MSN: variants seen among roughly 807,000 people sequenced by gnomAD.
The protein encoded by MSN is moesin.
MSN carries 2 observed loss-of-function variants against 48.0 expected under a neutral mutation model. That is an observed-to-expected ratio of 0.04 (90% CI 0.02 to 0.13). The LOEUF is 0.13. Ranked by LOEUF, MSN falls within the 10% of genes least tolerant of loss-of-function variation. MSN has a pLI of 1.00. For synonymous variants in MSN, 146 were observed against 166.9 expected (o/e 0.87, Z 0.97); for missense variants, 267 against 470.1 (o/e 0.57, Z 3.99).
At chrX:65,720,881 C>T (rs2071510125) in intron 2 of MSN, among the ~76,000 whole-genome samples, 1 of 112,042 alleles carries the variant, frequency 8.9e-6, no homozygotes, top group Non-Finnish European at 1.9e-5. Flanking sequence ...TAGTTTGTCT[C>T]ATTTACCTCT....
In MSN at chrX:65,608,178, G is replaced by C. The variant is rs759978195; in HGVS notation, c.-22+19566G>C. 9.0e-5 allele frequency among the ~76,000 whole-genome samples: 10 copies of C among 111,431 alleles called. No individual in the cohort carries two copies. In the East Asian group the frequency reaches 2.3e-3, roughly 25 times the overall value. Reference sequence around the variant, plus strand: ...GAAGGATTTACAATCTTTGGATATGGGCTGGGCAGAGCCTGTCAGTCGGTA... The same window carrying C: ...GAAGGATTTACAATCTTTGGATATGCGCTGGGCAGAGCCTGTCAGTCGGTA... On this transcript the variant is annotated intron_variant, in intron 1 of 3. Transcript: ENST00000609672.
intron 1 of MSN, among the ~76,000 whole-genome samples, chrX:65,697,591 A>G (rs1310490573): frequency 1.8e-5 from 2 of 111,892 alleles, no homozygotes; most frequent in African/African-American, 6.5e-5. Context: ...GGCCAAAGCC[A>G]CTGTAGGCAC....
chrX:65,675,119 CAGGTAGTTG>C (rs1392133005), intron 1 of MSN, among the ~76,000 whole-genome samples: 1 of 111,792 alleles, frequency 8.9e-6, no homozygotes, highest in East Asian at 2.8e-4. Flanking sequence ...AGAAAGAAGA[CAGGTAGTTG>C]AATTCTTACC....
intron 1 of MSN, chrX:65,625,604 G>A (rs1217862502): frequency 1.8e-5 from 2 of 111,292 alleles, no homozygotes; most frequent in African/African-American, 3.3e-5. Flanking sequence ...GTTACTATTT[G>A]CATGGAATGC....
At chrX:65,708,194 C>CAT (rs1318257493) in intron 1 of MSN, among the ~76,000 whole-genome samples, 1 of 110,986 alleles carries the variant, frequency 9.0e-6, no homozygotes, top group Non-Finnish European at 1.9e-5. Flanking sequence ...TAAATGCATA[C>CAT]ATAAATTGTA....
At chrX:65,646,956 A>G (rs947964654) in intron 1 of MSN, among the ~76,000 whole-genome samples, 2 of 110,996 alleles carry the variant, frequency 1.8e-5, no homozygotes, top group Non-Finnish European at 3.8e-5. Context: ...TCAAAACAAA[A>G]CAAAACAAAA....
chrX:65,589,559 G>A (rs1215838176), intron 1 of MSN: 3 of 112,492 alleles, frequency 2.7e-5, no homozygotes, highest in Non-Finnish European at 5.6e-5. Context: ...GTGGATCTCA[G>A]CCCCCTTTCT....
At chrX:65,614,992 A>T (rs1292693416) in intron 1 of MSN, among the ~76,000 whole-genome samples, 1 of 97,567 alleles carries the variant, frequency 1.0e-5, no homozygotes, top group East Asian at 3.2e-4. Context: ...ACTGAGAATG[A>T]TGATTTCCAA....
chrX:65,643,458 T>C (rs187474711), intron 1 of MSN, among the ~76,000 whole-genome samples: 59 of 110,756 alleles, frequency 5.3e-4, no homozygotes, highest in African/African-American at 1.6e-3. Flanking sequence ...ACTCTGTGGT[T>C]AAATCTTAGA....
Position 65,658,913 on chromosome X carries a change from T to TGGCTCACTGCAACCTC in MSN, c.-21-57904_-21-57889dup, listed in dbSNP as rs1409362986. Reference sequence around the variant, plus strand: ...AGGCTGGAGTGCAATGGCGCAACCTTGGCTCACTGCAACCTCCACCTCCCG... The same window carrying TGGCTCACTGCAACCTC: ...AGGCTGGAGTGCAATGGCGCAACCTTGGCTCACTGCAACCTCGGCTCACTGCAACCTCCACCTCCCG... On this transcript the variant is annotated intron_variant, in intron 1 of 3. Transcript: ENST00000609672. Among the ~76,000 whole-genome samples the TGGCTCACTGCAACCTC allele has an allele frequency of 8.2e-5, 9 of 109,740 alleles. No homozygotes were observed. In the East Asian group the frequency reaches 8.5e-4, roughly 10 times the overall value.
rs1329173432 is a variant in MSN at position 65,738,507 on chromosome X, C to T, written c.1252-18C>T. The stretch of plus-strand genomic sequence containing the variant: ...GACCAGAAGGCCCAGCTCTCACAGG[C>T]TTCCAATTTATCCGTAGGCCTTGGA... On this transcript the variant is annotated intron_variant, in intron 10 of 12. Coordinates refer to ENST00000360270, the MANE Select transcript of MSN (RefSeq NM_002444.3). 1 of 1,191,042 alleles carries T rather than the reference C, an allele frequency of 8.4e-7. No homozygotes were observed. The highest frequency in any genetic ancestry group is 1.1e-6 in the Non-Finnish European group (1 of 883,779).
At chrX:65,600,043 G>C (rs766777266) in intron 1 of MSN, among the ~76,000 whole-genome samples, 12 of 110,028 alleles carry the variant, frequency 1.1e-4, no homozygotes, top group African/African-American at 4.0e-4. Flanking sequence ...GGTGTGGTGG[G>C]GGTGGGTATA....
intron 1 of MSN, among the ~76,000 whole-genome samples, chrX:65,654,582 C>T (rs1263644403): frequency 9.0e-6 from 1 of 111,329 alleles, no homozygotes; most frequent in Non-Finnish European, 1.9e-5. Context: ...CAGACTAAAA[C>T]CAGGTGTTCT....
intron 1 of MSN, among the ~76,000 whole-genome samples, chrX:65,676,778 G>A (rs955602572): frequency 9.1e-6 from 1 of 110,090 alleles, no homozygotes; most frequent in Non-Finnish European, 1.9e-5. Context: ...TCTTACTTTC[G>A]TGATCTAATC....
chrX:65,649,503 G>C (rs1478521983), intron 1 of MSN, among the ~76,000 whole-genome samples: 1 of 102,658 alleles, frequency 9.7e-6, no homozygotes, highest in Non-Finnish European at 2.0e-5. Flanking sequence ...TTGAACCCGG[G>C]AGGCGGAGGT....
Position 65,695,730 on chromosome X carries a change from G to A in MSN, c.13-21088G>A, listed in dbSNP as rs767417277. Among the ~76,000 whole-genome samples the A allele has an allele frequency of 1.0e-4, 11 of 110,254 alleles. 1 individual carries two copies. In the South Asian group the frequency reaches 2.7e-3, roughly 27 times the overall value. On this transcript the variant is annotated intron_variant, in intron 1 of 12. Coordinates refer to ENST00000360270, the MANE Select transcript of MSN (RefSeq NM_002444.3). The stretch of plus-strand genomic sequence containing the variant: ...CCTGGCTTTGTCTTCAGGGATTTCT[G>A]TCTCTGATTGTGGCCCATCTCCCCC...
intron 9 of MSN, 47 bp downstream of exon 9, chrX:65,736,972 T>C (rs2071683892): frequency 8.3e-7 from 1 of 1,202,109 alleles, no homozygotes; most frequent in Non-Finnish European, 1.1e-6. Context: ...CAGGCCTAAC[T>C]CTGAGCTGGA....
intron 1 of MSN, among the ~76,000 whole-genome samples, chrX:65,636,747 C>CAAAAA (rs1219240320): frequency 0.014 from 90 of 6,337 alleles, 16 homozygotes; most frequent in African/African-American, 0.027. Flanking sequence ...AACTCCATCT[C>CAAAAA]AAAAAAAAAA....
chrX:65,715,739 A>C (rs1335064651), intron 1 of MSN, among the ~76,000 whole-genome samples: 2 of 111,143 alleles, frequency 1.8e-5, no homozygotes, highest in South Asian at 3.8e-4. Context: ...AGACTATTGG[A>C]TTTTCTAGAT....
Sources: allele counts gnomAD v4.1 joint callset (sites outside exome capture counted in the v4.1 genomes callset), GRCh38; gene constraint gnomAD v4.1.1; transcripts MANE v1.5; gene names NCBI Gene and HGNC (gene_info 2026-07-23, HGNC 2026-07-21).